KANSL3: variants seen among roughly 807,000 people sequenced by gnomAD.
KANSL3 encodes NSL complex protein NSL3.
Under a neutral mutation model 89.2 loss-of-function variants are expected in KANSL3, and 16 were observed. The ratio of observed to expected loss-of-function variants is 0.18; its 90% CI spans 0.12 to 0.27. The LOEUF is 0.27. Ranked by LOEUF, KANSL3 falls within the 10% of genes least tolerant of loss-of-function variation. KANSL3 has a pLI of 1.00. For synonymous variants in KANSL3, 385 were observed against 419.7 expected (o/e 0.92, Z 1.01); for missense variants, 879 against 1,110.6 (o/e 0.79, Z 2.96).
In KANSL3 at chr2:96,610,827, C is replaced by G. The variant is rs1384900740; in HGVS notation, c.1218G>C (p.Gln406His). 1 of 1,613,964 alleles carries G rather than the reference C, an allele frequency of 6.2e-7. No homozygotes were observed. Residue 406 changes from glutamine (Q) to histidine (H), a missense_variant, in exon 11 of 21, where the codon CAG becomes CAC. Gln to His is a conservative substitution (Grantham distance 24). This residue lies in a region of KANSL3 where 198 missense variants were observed against 260.3 expected (regional missense o/e 0.76). Transcript: ENST00000431828. ...CTTCAGGGTGACATTGAAGGGAATT[C>G]TGACCAATGACAAAGAGGACTGGAG... is the stretch of plus-strand genomic sequence containing the variant. ...MKTPVLFVIG[Q>H]NSLQCHPEAM...
intron 3 of KANSL3, among the ~76,000 whole-genome samples, chr2:96,623,478 G>T (rs543899912): frequency 1.3e-5 from 2 of 152,308 alleles, no homozygotes; most frequent in South Asian, 4.1e-4. Flanking sequence ...TATGCAGATG[G>T]AGGACAAATT....
intron 14 of KANSL3, among the ~76,000 whole-genome samples, chr2:96,608,208 G>A (rs2068299664): frequency 1.3e-5 from 2 of 152,106 alleles, no homozygotes; most frequent in Admixed American, 1.3e-4. Context: ...GGAGAGCCCC[G>A]ACTGGAGGAG....
chr2:96,599,359 G>A (rs934418140), intron 20 of KANSL3, among the ~76,000 whole-genome samples: 7 of 152,240 alleles, frequency 4.6e-5, no homozygotes, highest in Non-Finnish European at 8.8e-5. Context: ...GTACCACAAT[G>A]TGAATGTGCT....
intron 5 of KANSL3, among the ~76,000 whole-genome samples, chr2:96,614,340 C>T (rs750266463): frequency 6.6e-6 from 1 of 152,160 alleles, no homozygotes; most frequent in Non-Finnish European, 1.5e-5. Flanking sequence ...ATGATCCACC[C>T]GCCTCAGCCT....
chr2:96,611,204 T>C, intron 9 of KANSL3, 66 bp from the exon 10 acceptor site: 1 of 1,390,588 alleles, frequency 7.2e-7, no homozygotes, highest in Non-Finnish European at 1.0e-6. Flanking sequence ...CTACCCAGAA[T>C]CCAGGAGTGG....
In KANSL3 at chr2:96,601,125, G is replaced by A. The variant is rs573086221; in HGVS notation, c.2616+518C>T. The A allele has an allele frequency of 1.5e-4, 37 of 239,068 alleles. 1 individual carries two copies. Among genetic ancestry groups the A allele is most frequent in the Middle Eastern group, 2.1e-3 (1 of 478 alleles). The allele number at this position is 239,068 out of a possible 1,614,324, so 14.8% of individuals were successfully genotyped here. ...AACACAGTGAAACCCTGTTGTAGCCGGGCATGGTGGCGGGCGCCTGTAATC... is the reference window on the plus strand; with the variant it reads ...AACACAGTGAAACCCTGTTGTAGCCAGGCATGGTGGCGGGCGCCTGTAATC... On this transcript the variant is annotated intron_variant, in intron 20 of 20. Coordinates refer to ENST00000431828, the MANE Select transcript of KANSL3 (RefSeq NM_001115016.3).
chr2:96,636,784 G>T, intron 2 of KANSL3, 137 bp downstream of exon 2: 1 of 725,614 alleles, frequency 1.4e-6, no homozygotes. Context: ...TCCTTATGCT[G>T]CTTAAGAGAT....
Position 96,612,477 on chromosome 2 carries a change from T to G in KANSL3, c.999A>C (p.Arg333Ser), listed in dbSNP as rs541656517. The part of the protein sequence containing the change: ...QCLEHMIGAV[R>S]SKVLEIHSHF... ...GCATTCTCACCTCCAGCACTTTGCT[T>G]CTCACTGCCCCAATCATATGCTCGA... Residue 333 changes from arginine to serine, a missense_variant, in exon 8 of 21, where the codon AGA becomes AGC. Arg to Ser is a moderately radical substitution (Grantham distance 110). This residue lies in a region of KANSL3 where 198 missense variants were observed against 260.3 expected (regional missense o/e 0.76). Transcript: ENST00000431828. 1 of 1,613,844 alleles carries G rather than the reference T, an allele frequency of 6.2e-7. No homozygotes were observed. The highest frequency in any genetic ancestry group is 1.3e-5 in the African/African-American group (1 of 75,010).
In KANSL3 at chr2:96,604,263, G is replaced by C. The variant is rs762579025; in HGVS notation, c.2136C>G (p.Gly712=). The C allele has an allele frequency of 6.2e-7, 1 of 1,608,212 alleles. No homozygotes were observed. Among genetic ancestry groups the C allele is most frequent in the Non-Finnish European group, 8.5e-7 (1 of 1,177,884 alleles). Residue 712 remains glycine, a synonymous_variant, in exon 17 of 21, where the codon GGC becomes GGG. Transcript: ENST00000431828. ...LQSRLVATSP[G]SSLPGATSAS... is the part of the protein sequence containing the mutation. ...GCCACAAGATACCTGGGAGGGAGCT[G>C]CCAGGAGATGTGGCCACCAGGCGGC...
intron 14 of KANSL3, among the ~76,000 whole-genome samples, chr2:96,608,034 C>T (rs2068270497): frequency 6.6e-6 from 1 of 152,194 alleles, no homozygotes; most frequent in Admixed American, 6.5e-5. Context: ...GGAATACTTC[C>T]CAGCTTCATC....
chr2:96,619,635 C>T (rs752942243), intron 4 of KANSL3, 37 bp downstream of exon 4: 25 of 1,593,662 alleles, frequency 1.6e-5, no homozygotes, highest in South Asian at 6.8e-5. Context: ...GCCTGAACTA[C>T]GAAGAGCCCA....
At chr2:96,613,082 A>G in intron 6 of KANSL3, 148 bp from the exon 7 acceptor site, 3 of 627,192 alleles carry the variant, frequency 4.8e-6, no homozygotes, top group Non-Finnish European at 8.4e-6. Context: ...ATTATTAATA[A>G]TAGTTAAAGA....
chr2:96,625,167 C>T (rs1051303131), intron 3 of KANSL3, among the ~76,000 whole-genome samples: 1 of 152,010 alleles, frequency 6.6e-6, no homozygotes, highest in African/African-American at 2.4e-5. Context: ...CTGGGATCGC[C>T]CCACTGTACT....
chr2:96,619,211 C>A, intron 5 of KANSL3, 148 bp downstream of exon 5: 1 of 658,226 alleles, frequency 1.5e-6, no homozygotes, highest in African/African-American at 1.8e-5. Flanking sequence ...GAAATGATAC[C>A]CTGTCTCCCA....
chr2:96,629,510 C>G (rs2073010914), intron 3 of KANSL3, among the ~76,000 whole-genome samples: 1 of 152,132 alleles, frequency 6.6e-6, no homozygotes, highest in Non-Finnish European at 1.5e-5. Context: ...TTAGCAGAGA[C>G]AGAGTTTCTC....
At chr2:96,611,613 A>C (rs1184375739) in intron 9 of KANSL3, among the ~76,000 whole-genome samples, 1 of 152,176 alleles carries the variant, frequency 6.6e-6, no homozygotes, top group Non-Finnish European at 1.5e-5. Flanking sequence ...GACTATGGGG[A>C]CCTTCTTCCT....
intron 5 of KANSL3, among the ~76,000 whole-genome samples, chr2:96,617,162 C>T (rs2070314272): frequency 6.6e-6 from 1 of 152,152 alleles, no homozygotes; most frequent in Non-Finnish European, 1.5e-5. Context: ...CTCCCGGGTC[C>T]AGGGTTTCTA....
chr2:96,612,859 G>T lies in KANSL3; in HGVS notation c.871C>A (p.Arg291Ser), dbSNP rs1193752331. ...PSSSVFPTSR[R>S]HRFWQSQLSC... is the part of the protein sequence containing the mutation. ...AGCTGAGATTGCCAGAAGCGGTGGC[G>T]GCGTGAAGTGGGAAACACAGAGCTG... is the stretch of plus-strand genomic sequence containing the variant. The change falls in exon 7 of 21, where the codon CGC becomes AGC. Residue 291 changes from arginine (R) to serine (S), a missense_variant. Transcript: ENST00000431828. The T allele has an allele frequency of 3.8e-6, 6 of 1,571,072 alleles. No individual in the cohort carries two copies. Among genetic ancestry groups the T allele is most frequent in the Non-Finnish European group, 5.2e-6 (6 of 1,158,376 alleles).
chr2:96,612,085 G>A, intron 9 of KANSL3, 197 bp downstream of exon 9: 1 of 568,966 alleles, frequency 1.8e-6, no homozygotes, highest in South Asian at 2.2e-5. Context: ...TACTACACCT[G>A]CTTTTGTTTC....
Sources: allele counts gnomAD v4.1 joint callset (sites outside exome capture counted in the v4.1 genomes callset), GRCh38; gene constraint gnomAD v4.1.1; regional missense constraint gnomAD v4.1.1; transcripts MANE v1.5; gene names NCBI Gene and HGNC (gene_info 2026-07-23, HGNC 2026-07-21).